Variants in AKAP13 observed in about 807,000 individuals in gnomAD.
AKAP13 encodes A-kinase anchor protein 13.
Under a neutral mutation model 264.5 loss-of-function variants are expected in AKAP13, and 80 were observed. The observed-to-expected ratio is 0.30, with a 90% CI of 0.25 to 0.36. The LOEUF (loss-of-function observed/expected upper bound fraction) is 0.36. AKAP13 is among the 10% of genes least tolerant of loss of function. AKAP13 has a pLI of 1.00. For missense variants in AKAP13, 3,712 were observed against 3,435.2 expected (o/e 1.08, Z -2.01); for synonymous variants, 1,380 against 1,250.2 (o/e 1.10, Z -2.19).
intron 1 of AKAP13, among the ~76,000 whole-genome samples, chr15:85,421,796 A>T (rs1388513814): frequency 1.3e-5 from 2 of 152,182 alleles, no homozygotes; most frequent in African/African-American, 4.8e-5. Flanking sequence ...TTCATTTTCT[A>T]CTAAAAGTTT....
At chr15:85,520,801 A>G (rs2076795514) in intron 2 of AKAP13, 3 of 484,352 alleles carry the variant, frequency 6.2e-6, no homozygotes, top group Non-Finnish European at 4.1e-6. Flanking sequence ...GAAATGTGGT[A>G]TTAGGTGATT....
Position 85,529,425 on chromosome 15 carries a change from T to C in AKAP13, c.182-4159T>C, listed in dbSNP as rs62023883. ...GACAGAGCGAGACTCCGTCTCAAAA[T>C]AAATAAATAAATAAAATAACCCTGC... On this transcript the variant is annotated intron_variant, in intron 3 of 36. Transcript: ENST00000394518. Among the ~76,000 whole-genome samples the C allele has an allele frequency of 5.9e-3, 902 of 152,002 alleles. 5 individuals are homozygous for C. Among genetic ancestry groups the C allele is most frequent in the Non-Finnish European group, 0.011 (753 of 67,940 alleles).
chr15:85,598,642 G>A (rs571667425), intron 8 of AKAP13, among the ~76,000 whole-genome samples: 23 of 152,262 alleles, frequency 1.5e-4, no homozygotes, highest in African/African-American at 5.3e-4. Flanking sequence ...ATAGAAACCA[G>A]GGATGCCATG....
intron 5 of AKAP13, among the ~76,000 whole-genome samples, chr15:85,566,830 G>T (rs1029502909): frequency 2.6e-5 from 4 of 151,636 alleles, no homozygotes; most frequent in African/African-American, 9.7e-5. Flanking sequence ...GGGTTTCCCA[G>T]TGTTAGCCAG....
chr15:85,525,966 A>G (rs1204054661), intron 3 of AKAP13, among the ~76,000 whole-genome samples: 1 of 152,228 alleles, frequency 6.6e-6, no homozygotes. Context: ...TCTTTCATAA[A>G]ATGAAATCTA....
intron 7 of AKAP13, among the ~76,000 whole-genome samples, chr15:85,582,653 T>G (rs1378961875): frequency 1.3e-5 from 2 of 149,150 alleles, no homozygotes; most frequent in Non-Finnish European, 3.0e-5. Context: ...CATTGGTGGT[T>G]TTTTGTTTGT....
chr15:85,549,919 C>G (rs527409059), intron 5 of AKAP13, among the ~76,000 whole-genome samples: 2 of 152,090 alleles, frequency 1.3e-5, no homozygotes, highest in South Asian at 4.2e-4. Flanking sequence ...ATTGTCATCT[C>G]TGATTGATTG....
rs1460682554 is a variant in AKAP13 at position 85,746,582 on chromosome 15, C to G, written c.*1905C>G. 6.6e-6 allele frequency: 1 copy of G among 152,112 alleles called. No homozygotes were observed. The highest frequency in any genetic ancestry group is 2.4e-5 in the African/African-American group (1 of 41,420). The allele number at this position is 152,112 out of a possible 1,614,324, so 9.4% of individuals were successfully genotyped here. On this transcript the variant is annotated 3_prime_UTR_variant, in exon 37 of 37. Coordinates refer to ENST00000394518, the MANE Select transcript of AKAP13 (RefSeq NM_007200.5). ...TTTTTCTGTCATGGAGAATACTCAC[C>G]CTTCAGAAACAGACCAAAGGCCAAA...
intron 16 of AKAP13, among the ~76,000 whole-genome samples, chr15:85,686,968 G>C (rs941248841): frequency 6.6e-6 from 1 of 152,034 alleles, no homozygotes; most frequent in African/African-American, 2.4e-5. Flanking sequence ...CAAGCTTTTC[G>C]TGGAAGACCA....
intron 9 of AKAP13, among the ~76,000 whole-genome samples, chr15:85,641,912 C>G (rs755437858): frequency 1.3e-4 from 20 of 152,140 alleles, no homozygotes; most frequent in Non-Finnish European, 2.5e-4. Context: ...TTTTCCTGCC[C>G]TTCCCCAACA....
intron 16 of AKAP13, among the ~76,000 whole-genome samples, chr15:85,687,835 T>G (rs1270001134): frequency 6.6e-6 from 1 of 151,954 alleles, no homozygotes; most frequent in African/African-American, 2.4e-5. Context: ...GACCAGGAGT[T>G]CAAGGTCAGC....
intron 8 of AKAP13, among the ~76,000 whole-genome samples, chr15:85,633,774 G>A (rs893420953): frequency 4.0e-5 from 6 of 151,464 alleles, no homozygotes; most frequent in Non-Finnish European, 7.4e-5. Context: ...TCGATCTCCT[G>A]ACCTCGTGAT....
chr15:85,609,888 T>C (rs1472586784), intron 8 of AKAP13, among the ~76,000 whole-genome samples: 1 of 152,226 alleles, frequency 6.6e-6, no homozygotes, highest in African/African-American at 2.4e-5. Flanking sequence ...TTCTTTCTTA[T>C]CACTTCAGCC....
At chr15:85,652,918 C>A (rs937574228) in intron 10 of AKAP13, among the ~76,000 whole-genome samples, 117 of 152,264 alleles carry the variant, frequency 7.7e-4, no homozygotes, top group African/African-American at 2.7e-3. Context: ...CCACCCTACT[C>A]CAGTATAACC....
intron 32 of AKAP13, 51 bp from the exon 33 acceptor site, chr15:85,736,039 T>C: frequency 7.2e-7 from 1 of 1,395,392 alleles, no homozygotes; most frequent in Non-Finnish European, 1.0e-6. Context: ...CTGAATGTCA[T>C]TTTTGCATCA....
At chr15:85,431,042 G>T (rs2073004407) in intron 1 of AKAP13, among the ~76,000 whole-genome samples, 1 of 152,152 alleles carries the variant, frequency 6.6e-6, no homozygotes, top group Non-Finnish European at 1.5e-5. Flanking sequence ...GTGATAATGA[G>T]AGATAAAGGT....
intron 14 of AKAP13, among the ~76,000 whole-genome samples, chr15:85,674,041 C>G (rs1325754640): frequency 2.0e-5 from 3 of 151,830 alleles, no homozygotes; most frequent in African/African-American, 7.3e-5. Context: ...TTGCTCCCAC[C>G]CAGAAGATGC....
At chr15:85,618,822 C>T (rs62022863) in intron 8 of AKAP13, among the ~76,000 whole-genome samples, 1 of 152,056 alleles carries the variant, frequency 6.6e-6, no homozygotes, top group African/African-American at 2.4e-5. Context: ...AAATCAACTC[C>T]ATCATCCCTT....
chr15:85,645,794 TGG>T, intron 9 of AKAP13, 22 bp from the exon 10 acceptor site: 33 of 1,511,956 alleles, frequency 2.2e-5, no homozygotes, highest in Middle Eastern at 1.8e-4. Flanking sequence ...TTTTCAATAT[TGG>T]TGAATAAATT....
Sources: gnomAD v4.1 joint callset for allele counts (sites outside exome capture counted in the v4.1 genomes callset) on GRCh38, gnomAD v4.1.1 for gene constraint, MANE v1.5 for transcripts, NCBI Gene and HGNC (gene_info 2026-07-23, HGNC 2026-07-21) for gene names.